The following AFF2 variants were observed in gnomAD, a reference collection of about 807,000 sequenced individuals.
The protein encoded by AFF2 is AF4/FMR2 family member 2.
In AFF2, 14 loss-of-function variants were observed where a neutral mutation model predicts 76.9. The observed-to-expected ratio is 0.18, with a 90% confidence interval of 0.12 to 0.28. The LOEUF (loss-of-function observed/expected upper bound fraction) is 0.28, where lower values mean the gene tolerates loss of function less well. Ranked by LOEUF, AFF2 falls within the 10% of genes least tolerant of loss-of-function variation. AFF2 has a pLI of 1.00. For missense variants in AFF2, 868 were observed against 1,001.1 expected, an observed-to-expected ratio of 0.87 and a Z score of 1.79; for synonymous variants, 398 against 366.7, an observed-to-expected ratio of 1.09 and a Z score of -0.98.
At chrX:148,628,269 T>A (rs2053946771) in intron 1 of AFF2, among the ~76,000 whole-genome samples, 1 of 110,875 alleles carries the variant, frequency 9.0e-6, no homozygotes. Flanking sequence ...TACTATATAT[T>A]TTCTATTATA....
rs1364082152 is a variant in AFF2, at chrX:148,998,721, C to T, written c.*7389C>T. ...AAAAAAACCTCTTCAAAAAATTTCC[C>T]ATAGTACTTCAGTCAAGACTTTTTA... On this transcript the variant is annotated 3_prime_UTR_variant, in exon 21 of 21. Transcript: ENST00000370460. 9.0e-6 allele frequency: 1 copy of T among 111,362 alleles called. No individual in the cohort carries two copies. The highest frequency in any genetic ancestry group is 3.3e-5 in the African/African-American group (1 of 30,628). The allele number at this position is 111,362 out of a possible 1,213,427, so 9.2% of individuals were successfully genotyped here. A position where few individuals can be genotyped will look rare whatever the true frequency, so the allele number is the denominator to read the frequency against.
intron 7 of AFF2, among the ~76,000 whole-genome samples, chrX:148,851,782 A>G (rs782092374): frequency 1.0e-4 from 11 of 109,732 alleles, no homozygotes; most frequent in African/African-American, 3.0e-4. Flanking sequence ...TTGGGGGTGC[A>G]TGTGACACGG....
At chrX:148,862,267 T>C (rs782479946) in intron 7 of AFF2, among the ~76,000 whole-genome samples, 48 of 111,033 alleles carry the variant, frequency 4.3e-4, no homozygotes, top group Admixed American at 3.8e-3. Context: ...AACTCTCAAA[T>C]CTAAGCATGT....
At chrX:148,762,860 A>G (rs1557267436) in intron 3 of AFF2, among the ~76,000 whole-genome samples, 1 of 111,516 alleles carries the variant, frequency 9.0e-6, no homozygotes, top group African/African-American at 3.3e-5. Context: ...AGTTTTAAAC[A>G]TTATTGTATT....
At chrX:148,838,775 T>C (rs1281672407) in intron 5 of AFF2, among the ~76,000 whole-genome samples, 3 of 111,570 alleles carry the variant, frequency 2.7e-5, no homozygotes, top group Non-Finnish European at 5.7e-5. Context: ...CTCAAGGAGT[T>C]TGGACTTTAT....
intron 18 of AFF2, among the ~76,000 whole-genome samples, chrX:148,979,549 A>G (rs1422289798): frequency 8.9e-6 from 1 of 111,885 alleles, no homozygotes; most frequent in Non-Finnish European, 1.9e-5. Flanking sequence ...GCTCCCAGAT[A>G]CCTGATTCTG....
intron 16 of AFF2, among the ~76,000 whole-genome samples, chrX:148,975,772 G>A (rs992627622): frequency 1.3e-4 from 13 of 101,495 alleles, no homozygotes; most frequent in African/African-American, 4.2e-4. Context: ...GTGAAACCCC[G>A]TCTCTACTAA....
chrX:148,749,266 C>CT lies in AFF2; in HGVS notation c.1042-60594dup, dbSNP rs60610965. On this transcript the variant is annotated intron_variant, in intron 3 of 20. Coordinates refer to ENST00000370460, the MANE Select transcript of AFF2 (RefSeq NM_002025.4). Reference sequence around the variant, plus strand: ...AATTTACGTTGCCTTCCTAAATAGTCTTTTTTTTTTTTTTTTAAGTTTAGA... The same window carrying CT: ...AATTTACGTTGCCTTCCTAAATAGTCTTTTTTTTTTTTTTTTTAAGTTTAGA... 6.7e-3 allele frequency among the ~76,000 whole-genome samples: 647 copies of CT among 95,953 alleles called. 1 individual carries two copies. Among genetic ancestry groups the CT allele is most frequent in the Middle Eastern group, 0.017 (3 of 174 alleles). 83.3% of individuals were successfully genotyped at this position (95,953 alleles called of 115,157 possible).
chrX:148,656,766 C>T (rs2054258110), intron 2 of AFF2, among the ~76,000 whole-genome samples: 1 of 110,812 alleles, frequency 9.0e-6, no homozygotes, highest in Admixed American at 9.5e-5. Context: ...TCCCAAAGTG[C>T]TGGGATTACA....
chrX:148,674,137 G>A (rs2054454833), intron 3 of AFF2, among the ~76,000 whole-genome samples: 1 of 112,226 alleles, frequency 8.9e-6, no homozygotes, highest in Non-Finnish European at 1.9e-5. Context: ...ATATGGGTGT[G>A]TGCCAATAAA....
chrX:148,773,885 G>A (rs1461613688), intron 3 of AFF2, among the ~76,000 whole-genome samples: 2 of 111,274 alleles, frequency 1.8e-5, no homozygotes, highest in Non-Finnish European at 3.8e-5. Flanking sequence ...TAGAAGATCT[G>A]AGCTACAAGT....
chrX:148,598,755 T>C (rs2053599646), intron 1 of AFF2, among the ~76,000 whole-genome samples: 1 of 112,475 alleles, frequency 8.9e-6, no homozygotes. Context: ...CCTGGCTGTG[T>C]AGTGTTTGCG....
At chrX:148,599,060 G>T (rs1167911661) in intron 1 of AFF2, among the ~76,000 whole-genome samples, 9 of 112,102 alleles carry the variant, frequency 8.0e-5, no homozygotes, top group African/African-American at 2.9e-4. Context: ...ATTTGCCCAA[G>T]TTTGTCTCAA....
In AFF2 at chrX:148,843,000, A is replaced by G. The variant is rs1488716828; in HGVS notation, c.1208A>G (p.Gln403Arg). The change falls in exon 6 of 21, where the codon CAA becomes CGA. Residue 403 changes from glutamine to arginine, a missense_variant and splice_region_variant. Transcript: ENST00000370460. ...SQHLTPGFTL[Q>R]KWNDPTTRAS... is the part of the protein sequence containing the mutation. ...CATCTGACCCCAGGATTCACCTTAC[A>G]AAGTAAGTGGTTTTGAAAATCCTTC... 8.3e-7 allele frequency: 1 copy of G among 1,204,016 alleles called. No individual in the cohort carries two copies. Among genetic ancestry groups the G allele is most frequent in the Non-Finnish European group, 1.1e-6 (1 of 890,449 alleles).
At chrX:148,545,037 T>A (rs782128670) in intron 1 of AFF2, among the ~76,000 whole-genome samples, 2 of 112,516 alleles carry the variant, frequency 1.8e-5, no homozygotes, top group African/African-American at 6.5e-5. Flanking sequence ...CAATTTGTTT[T>A]TTTATAAGTT....
chrX:148,772,542 C>CTTTT (rs56276357), intron 3 of AFF2, among the ~76,000 whole-genome samples: 2 of 67,717 alleles, frequency 3.0e-5, no homozygotes, highest in Non-Finnish European at 5.7e-5. Context: ...TTCTTTCTTT[C>CTTTT]TTTTTTTTTT....
At chrX:148,543,908 A>AT (rs1371135365) in intron 1 of AFF2, among the ~76,000 whole-genome samples, 3 of 112,249 alleles carry the variant, frequency 2.7e-5, no homozygotes, top group African/African-American at 9.7e-5. Context: ...CCTACCATCC[A>AT]TATCACTTAT....
At chrX:148,599,763 T>G (rs2124384823) in intron 1 of AFF2, among the ~76,000 whole-genome samples, 1 of 112,196 alleles carries the variant, frequency 8.9e-6, no homozygotes, top group East Asian at 2.8e-4. Context: ...TGTAGTTATT[T>G]ATGATAGAGC....
At chrX:148,791,515 A>AT (rs782097413) in intron 3 of AFF2, among the ~76,000 whole-genome samples, 2 of 112,637 alleles carry the variant, frequency 1.8e-5, no homozygotes, top group East Asian at 2.8e-4. Flanking sequence ...CAGCCAAACC[A>AT]TATCAGTTGC....
Sources: allele counts gnomAD v4.1 joint callset (sites outside exome capture counted in the v4.1 genomes callset), GRCh38; gene constraint gnomAD v4.1.1; transcripts MANE v1.5; gene names NCBI Gene and HGNC (gene_info 2026-07-23, HGNC 2026-07-21).